Variants in ZNF33B observed in about 807,000 individuals in gnomAD.
The protein encoded by ZNF33B is zinc finger protein 33B, also known as zinc finger protein 11b (KOX 2).
A neutral mutation model predicts 45.8 loss-of-function variants in ZNF33B; 29 were observed. The ratio of observed to expected loss-of-function variants is 0.63; its 90% CI spans 0.47 to 0.86. ZNF33B has a LOEUF of 0.86. Among genes scored for constraint, ZNF33B ranks in the 40% least tolerant of loss-of-function variants. ZNF33B has a pLI of 0.00. For synonymous variants in ZNF33B, 305 were observed against 307.8 expected, an observed-to-expected ratio of 0.99 and a Z score of 0.10; for missense variants, 831 against 909.9, an observed-to-expected ratio of 0.91 and a Z score of 1.12.
At chr10:42,637,122 G>C (rs1388574459) in intron 1 of ZNF33B, 150 bp from the exon 2 acceptor site, 2 of 686,690 alleles carry the variant, frequency 2.9e-6, no homozygotes, top group African/African-American at 3.6e-5. Context: ...CGGAATAGGG[G>C]GTAGAAATGG....
chr10:42,638,203 G>C (rs1277113267), intron 1 of ZNF33B, among the ~76,000 whole-genome samples: 4 of 152,260 alleles, frequency 2.6e-5, no homozygotes, highest in Admixed American at 2.6e-4. Flanking sequence ...CTCCCGCAAG[G>C]CTCAGCGCTC....
At chr10:42,584,889 A>G (rs1165955556), downstream of ZNF33B, among the ~76,000 whole-genome samples, 1 of 152,154 alleles carries the variant, frequency 6.6e-6, no homozygotes, top group Non-Finnish European at 1.5e-5. Context: ...ATCAGTTAGG[A>G]TTAGGACAGG....
downstream of ZNF33B, among the ~76,000 whole-genome samples, chr10:42,585,583 G>A (rs1313505328): frequency 1.3e-5 from 2 of 152,206 alleles, no homozygotes; most frequent in Non-Finnish European, 2.9e-5. Context: ...CAGCTTAGAT[G>A]CATAATACTG....
chr10:42,634,514 C>G (rs1839200595), intron 2 of ZNF33B, among the ~76,000 whole-genome samples: 1 of 152,124 alleles, frequency 6.6e-6, no homozygotes, highest in Non-Finnish European at 1.5e-5. Flanking sequence ...ATGCAAGGAA[C>G]TAGGAAGAGC....
At chr10:42,622,678 T>C (rs774401243) in intron 4 of ZNF33B, among the ~76,000 whole-genome samples, 2 of 152,220 alleles carry the variant, frequency 1.3e-5, no homozygotes, top group African/African-American at 2.4e-5. Flanking sequence ...GATTAGAGGT[T>C]ACCACAGGCT....
intron 4 of ZNF33B, among the ~76,000 whole-genome samples, chr10:42,609,466 A>T (rs1196180170): frequency 3.3e-5 from 5 of 152,150 alleles, no homozygotes; most frequent in Non-Finnish European, 7.3e-5. Flanking sequence ...AAAAACAAAA[A>T]CAAAACCCAG....
intron 4 of ZNF33B, among the ~76,000 whole-genome samples, chr10:42,598,755 C>A: frequency 6.6e-6 from 1 of 152,190 alleles, no homozygotes; most frequent in East Asian, 1.9e-4. Context: ...CACACTTGGT[C>A]ATGAGGTATT....
intron 4 of ZNF33B, among the ~76,000 whole-genome samples, chr10:42,605,871 G>C (rs1300511807): frequency 9.2e-5 from 14 of 152,030 alleles, no homozygotes; most frequent in Non-Finnish European, 1.5e-4. Flanking sequence ...TGAAGCAGGA[G>C]AATCACTTAA....
At chr10:42,596,702 T>C (rs535457862) in intron 4 of ZNF33B, among the ~76,000 whole-genome samples, 5 of 152,216 alleles carry the variant, frequency 3.3e-5, no homozygotes, top group African/African-American at 9.6e-5. Flanking sequence ...TTTGATACTA[T>C]TGCAAATAGA....
At chr10:42,607,661 C>A (rs760941233) in intron 4 of ZNF33B, among the ~76,000 whole-genome samples, 10 of 152,262 alleles carry the variant, frequency 6.6e-5, no homozygotes, top group Admixed American at 2.0e-4. Flanking sequence ...GACTTATGAT[C>A]AAGTTACATC....
Position 42,593,857 on chromosome 10 carries a change from T to C in ZNF33B, c.1093A>G (p.Thr365Ala). The C allele has an allele frequency of 1.9e-6, 3 of 1,613,998 alleles. No individual in the cohort carries two copies. Among genetic ancestry groups the C allele is most frequent in the South Asian group, 1.1e-5 (1 of 91,086 alleles). The change falls in exon 5 of 5, where the codon ACT becomes GCT. Residue 365 changes from threonine (T) to alanine (A), a missense_variant. Transcript: ENST00000359467. ...KHFQCNQCGK[T>A]FWEKSNLTKH... ...GTGAGGTTTGACTTCTCCCAGAAAG[T>C]TTTTCCACATTGATTACATTGAAAG...
At chr10:42,616,885 G>A (rs189761624) in intron 4 of ZNF33B, among the ~76,000 whole-genome samples, 137 of 151,628 alleles carry the variant, frequency 9.0e-4, no homozygotes, top group African/African-American at 1.9e-3. Context: ...TAGTAGAGAC[G>A]GGGTTTCACC....
At chr10:42,583,695 T>C (rs1326711948) in intron 1 of ZNF33B, among the ~76,000 whole-genome samples, 1 of 152,162 alleles carries the variant, frequency 6.6e-6, no homozygotes, top group Non-Finnish European at 1.5e-5. Context: ...AGCAAATCAA[T>C]GTGGCATCCA....
Position 42,632,445 on chromosome 10 carries a change from A to G in ZNF33B, c.10-6T>C. 1 of 1,612,618 alleles carries G rather than the reference A, an allele frequency of 6.2e-7. No individual in the cohort carries two copies. The highest frequency in any genetic ancestry group is 8.5e-7 in the Non-Finnish European group (1 of 1,179,706). Reference sequence around the variant, plus strand: ...CCCTGGAACTTCTGATCTACCTGAAATGTTCAGAATTAGGTGGCATGAAAA... The same window carrying G: ...CCCTGGAACTTCTGATCTACCTGAAGTGTTCAGAATTAGGTGGCATGAAAA... On this transcript the variant is annotated splice_region_variant and splice_polypyrimidine_tract_variant and intron_variant, in intron 2 of 4. Coordinates refer to ENST00000359467, the MANE Select transcript of ZNF33B (RefSeq NM_006955.3).
intron 2 of ZNF33B, among the ~76,000 whole-genome samples, chr10:42,636,619 T>C (rs933788331): frequency 6.6e-6 from 1 of 152,164 alleles, no homozygotes; most frequent in African/African-American, 2.4e-5. Context: ...CTCAGGAGTT[T>C]GCGACCAGCC....
At chr10:42,637,500 G>A (rs1165884759) in intron 1 of ZNF33B, among the ~76,000 whole-genome samples, 3 of 152,206 alleles carry the variant, frequency 2.0e-5, no homozygotes, top group Non-Finnish European at 2.9e-5. Flanking sequence ...TTTGATGTGT[G>A]TAGAAAAGTA....
Position 42,593,203 on chromosome 10 carries a change from A to C in ZNF33B, c.1747T>G (p.Cys583Gly), listed in dbSNP as rs376359426. 43 of 1,613,734 alleles carry C rather than the reference A, an allele frequency of 2.7e-5. No individual in the cohort carries two copies. The Middle Eastern group carries it at 4.9e-4, about 19-fold the overall frequency. ...RTHTGEKPYE[C>G]HECGKIFYNK... is the part of the protein sequence containing the mutation. The stretch of plus-strand genomic sequence containing the variant: ...TAAAAGATTTTTCCACATTCATGAC[A>C]TTCATAGGGTTTCTCCCCCGTGTGT... Residue 583 changes from cysteine (C) to glycine (G), a missense_variant, in exon 5 of 5, where the codon TGT (cysteine) becomes GGT (glycine). Coordinates refer to ENST00000359467, the MANE Select transcript of ZNF33B (RefSeq NM_006955.3).
rs549103021 is a variant in ZNF33B at position 42,623,992 on chromosome 10, G to GT, written c.250+7936dup. On this transcript the variant is annotated intron_variant, in intron 4 of 4. Transcript: ENST00000359467. ...AGACAGTATGGCTTAAACAACAGAA[G>GT]TTTATTTCCTCACGGTTCCAAATGC... Among the ~76,000 whole-genome samples the GT allele has an allele frequency of 3.5e-4, 54 of 152,346 alleles. No homozygotes were observed. In the East Asian group the frequency reaches 9.1e-3, roughly 26 times the overall value.
At chr10:42,624,626 T>G (rs1177972271) in intron 4 of ZNF33B, among the ~76,000 whole-genome samples, 1 of 152,210 alleles carries the variant, frequency 6.6e-6, no homozygotes, top group Non-Finnish European at 1.5e-5. Context: ...TATGCTGGCA[T>G]CGCTACTCTT....
Sources: gnomAD v4.1 joint callset for allele counts (sites outside exome capture counted in the v4.1 genomes callset) on GRCh38, gnomAD v4.1.1 for gene constraint, MANE v1.5 for transcripts, NCBI Gene and HGNC (gene_info 2026-07-23, HGNC 2026-07-21) for gene names.